Variants in TJAP1 observed in about 807,000 individuals in gnomAD.
TJAP1 encodes tight junction associated protein 1.
In TJAP1, 27 loss-of-function variants were observed where a neutral mutation model predicts 42.0. That is an observed-to-expected ratio of 0.64 (90% CI 0.47 to 0.89). The LOEUF is 0.89. Ranked by LOEUF, TJAP1 falls within the 40% of genes least tolerant of loss-of-function variation. The pLI is 0.00. For synonymous variants in TJAP1, 257 were observed against 288.4 expected (o/e 0.89, Z 1.10); for missense variants, 712 against 726.9 (o/e 0.98, Z 0.24).
exon 10 of TJAP1, chr6:43,503,653 G>A (rs765105582): frequency 1.9e-6 from 3 of 1,614,128 alleles, no homozygotes; most frequent in Admixed American, 3.3e-5. Flanking sequence ...CAACCTGGCT[G>A]TACAGCTCCT....
intron 5 of TJAP1, 27 bp downstream of exon 5, chr6:43,500,799 C>T (rs1218839871): frequency 1.2e-6 from 2 of 1,613,028 alleles, no homozygotes; most frequent in Non-Finnish European, 1.7e-6. Context: ...TGAGATACTG[C>T]CCTGCCTCAA....
rs1792298269 is a variant in TJAP1, at chr6:43,505,992, G to C, written c.*137G>C. 3.1e-6 allele frequency: 3 copies of C among 980,014 alleles called. No homozygotes were observed. In the Admixed American group the frequency reaches 1.1e-4, roughly 35 times the overall value. 60.7% of individuals were successfully genotyped at this position (980,014 alleles called of 1,614,324 possible). On this transcript the variant is annotated 3_prime_UTR_variant, in exon 11 of 11. Transcript: ENST00000372449. This position sits in a 1 kb window ranked among gnomAD's most constrained non-coding sequence, Gnocchi z 5.5. ...GCACAGCTGTTTCCTGTGTGGATGG[G>C]GTCAGGTTGTGGGCCATGCCAGGCC...
rs186743903 is a variant in TJAP1 at position 43,488,489 on chromosome 6, C to T, written c.-121-9392C>T. On this transcript the variant is annotated intron_variant, in intron 2 of 10. Transcript: ENST00000372449. ...GTGGGAATCAGGATGGATATAACAG[C>T]GATGTGGGCATTGGCACTCCCATCT... 4.6e-5 allele frequency among the ~76,000 whole-genome samples: 7 copies of T among 152,328 alleles called. No individual in the cohort carries two copies. The East Asian group carries it at 7.7e-4, about 17-fold the overall frequency.
At chr6:43,501,921 ACACACACT>A (rs1177439475) in intron 6 of TJAP1, among the ~76,000 whole-genome samples, 10 of 113,364 alleles carry the variant, frequency 8.8e-5, no homozygotes, top group African/African-American at 2.9e-4. Flanking sequence ...ACACACACAC[ACACACACT>A]CTCTCTCTCT....
intron 2 of TJAP1, among the ~76,000 whole-genome samples, chr6:43,482,736 G>A (rs902485832): frequency 6.6e-6 from 1 of 152,200 alleles, no homozygotes; most frequent in Non-Finnish European, 1.5e-5. Context: ...GCTTTATGAT[G>A]CCGTGGTGCA....
chr6:43,497,022 G>A (rs1789345722), intron 2 of TJAP1: 1 of 152,330 alleles, frequency 6.6e-6, no homozygotes, highest in Non-Finnish European at 1.5e-5. Flanking sequence ...TCAGTGCTGA[G>A]CCTGGAGCCC....
chr6:43,494,686 C>G (rs1214383342), intron 2 of TJAP1, among the ~76,000 whole-genome samples: 1 of 128,094 alleles, frequency 7.8e-6, no homozygotes, highest in African/African-American at 3.2e-5. Flanking sequence ...GAGTCTCTGT[C>G]TCCCAGGCTG....
chr6:43,502,050 AC>A, intron 6 of TJAP1, among the ~76,000 whole-genome samples: 1 of 98,168 alleles, frequency 1.0e-5, no homozygotes, highest in African/African-American at 5.4e-5. Context: ...ATGCGGGGAC[AC>A]ACACACACAC....
In TJAP1 at chr6:43,505,902, G is replaced by A. The variant is rs1202589923; in HGVS notation, c.*47G>A. ...CATTGCTGCACCAGGACTGCAAGGA[G>A]TCCCCACACCTTGGCAGCTCAGGGT... On this transcript the variant is annotated 3_prime_UTR_variant, in exon 11 of 11. Coordinates refer to ENST00000372449, the Ensembl canonical transcript of TJAP1. The surrounding 1 kb of genome is among the most constrained non-coding windows in gnomAD (Gnocchi z 5.5). 6.3e-6 allele frequency: 9 copies of A among 1,427,710 alleles called. No individual in the cohort carries two copies. Among genetic ancestry groups the A allele is most frequent in the Non-Finnish European group, 8.2e-6 (9 of 1,095,054 alleles). 88.4% of individuals were successfully genotyped at this position (1,427,710 alleles called of 1,614,324 possible). A position where few individuals can be genotyped will look rare whatever the true frequency, so the allele number is the denominator to read the frequency against.
At chr6:43,506,037 C>A in exon 11 of TJAP1, 1 of 488,822 alleles carries the variant, frequency 2.0e-6, no homozygotes, top group Non-Finnish European at 3.3e-6. Context: ...CGTTGACTGA[C>A]TGCAGCAGCT....
intron 2 of TJAP1, among the ~76,000 whole-genome samples, chr6:43,486,405 G>T (rs907287917): frequency 1.0e-4 from 15 of 149,092 alleles, no homozygotes; most frequent in African/African-American, 3.8e-4. Context: ...GCCCAGTTGG[G>T]AGTGCAGCGG....
At chr6:43,500,809 A>G (rs1260707947) in intron 5 of TJAP1, 37 bp downstream of exon 5, 36 of 1,612,420 alleles carry the variant, frequency 2.2e-5, no homozygotes, top group Admixed American at 3.3e-5. Context: ...CCCTGCCTCA[A>G]CTCTGTCCCT....
At chr6:43,504,826 A>G (rs1380790584) in exon 11 of TJAP1, 13 of 1,614,120 alleles carry the variant, frequency 8.1e-6, no homozygotes, top group Non-Finnish European at 1.1e-5. Context: ...CCGCCAGCCC[A>G]GGTCCTGCTC....
chr6:43,499,307 T>C (rs927905419), intron 4 of TJAP1, among the ~76,000 whole-genome samples: 1 of 152,236 alleles, frequency 6.6e-6, no homozygotes, highest in African/African-American at 2.4e-5. Flanking sequence ...TATGTCCACA[T>C]GTCAGGGAAC....
intron 2 of TJAP1, among the ~76,000 whole-genome samples, chr6:43,493,076 C>T (rs1365406695): frequency 1.3e-5 from 2 of 152,196 alleles, no homozygotes; most frequent in Non-Finnish European, 2.9e-5. Context: ...AGGTGGCATA[C>T]AACACAGCTG....
At chr6:43,501,322 A>C (rs913309304) in intron 5 of TJAP1, 14 of 576,184 alleles carry the variant, frequency 2.4e-5, no homozygotes, top group Non-Finnish European at 3.4e-5. Context: ...TCCTCCCCTG[A>C]CCCTCCAACC....
intron 8 of TJAP1, 137 bp downstream of exon 8, chr6:43,502,754 T>A: frequency 2.1e-6 from 2 of 964,324 alleles, no homozygotes; most frequent in African/African-American, 1.6e-5. Flanking sequence ...GAGGCCCGTT[T>A]AACTGTCAAT....
chr6:43,479,467 G>A (rs944408193), intron 2 of TJAP1, among the ~76,000 whole-genome samples: 1 of 152,210 alleles, frequency 6.6e-6, no homozygotes, highest in Non-Finnish European at 1.5e-5. Flanking sequence ...TCACCCAAGG[G>A]TAGTGTGGTG....
intron 2 of TJAP1, among the ~76,000 whole-genome samples, chr6:43,487,702 G>T (rs1002994307): frequency 1.3e-5 from 2 of 151,930 alleles, no homozygotes; most frequent in Non-Finnish European, 2.9e-5. Flanking sequence ...AGGAACTGTT[G>T]GTTTCACCAT....
Sources: gnomAD v4.1 joint callset for allele counts (sites outside exome capture counted in the v4.1 genomes callset) on GRCh38, gnomAD v4.1.1 for gene constraint, Gnocchi (gnomAD v3.1) non-coding constraint, MANE v1.5 for transcripts, NCBI Gene and HGNC (gene_info 2026-07-23, HGNC 2026-07-21) for gene names.